The following SF3B1 variants were observed in gnomAD, a reference collection of about 807,000 sequenced individuals.
SF3B1 encodes the protein pre-mRNA processing 10.
In SF3B1, 12 loss-of-function variants were observed where a neutral mutation model predicts 153.8. That is an observed-to-expected ratio of 0.08 (90% confidence interval 0.05 to 0.13). The LOEUF (loss-of-function observed/expected upper bound fraction) is 0.13, where lower values mean the gene tolerates loss of function less well. Ranked by LOEUF, SF3B1 falls within the 10% of genes least tolerant of loss-of-function variation. SF3B1 has a pLI of 1.00. For missense variants in SF3B1, 513 were observed against 1,606.1 expected, an observed-to-expected ratio of 0.32 and a Z score of 11.63; for synonymous variants, 498 against 525.2, an observed-to-expected ratio of 0.95 and a Z score of 0.71.
intron 1 of SF3B1, among the ~76,000 whole-genome samples, chr2:197,428,196 C>T (rs905437443): frequency 6.6e-6 from 1 of 152,002 alleles, no homozygotes; most frequent in Non-Finnish European, 1.5e-5. Flanking sequence ...AGGTGCACAC[C>T]TGTAGTCCCA....
Position 197,401,859 on chromosome 2 carries a change from C to T in SF3B1, c.2253G>A (p.Gly751=), listed in dbSNP as rs1309573549. The T allele has an allele frequency of 6.2e-7, 1 of 1,605,522 alleles. No individual in the cohort carries two copies. The highest frequency in any genetic ancestry group is 1.1e-5 in the South Asian group (1 of 88,810). The change falls in exon 16 of 25, where the codon GGG becomes GGA. Residue 751 remains glycine, a synonymous_variant. Transcript: ENST00000335508. This position sits in a 1 kb window ranked among gnomAD's most constrained non-coding sequence, Gnocchi z 4.2. ...KGLAAFLKAI[G]YLIPLMDAEY... is the part of the protein sequence containing the mutation. ...CTGCATCCATAAGAGGAATAAGATA[C>T]CCAATAGCCTTCAAGAAAGCAGCCA... is the stretch of plus-strand genomic sequence containing the variant.
At chr2:197,394,955 A>G (rs1254598714) in intron 23 of SF3B1, among the ~76,000 whole-genome samples, 3 of 152,352 alleles carry the variant, frequency 2.0e-5, no homozygotes, top group South Asian at 2.1e-4. Context: ...AACACAGACC[A>G]TATCAAAGAG....
intron 6 of SF3B1, 163 bp downstream of exon 6, chr2:197,416,578 C>G (rs1159393142): frequency 8.5e-6 from 5 of 585,432 alleles, no homozygotes; most frequent in Non-Finnish European, 1.5e-5. Flanking sequence ...TGTTGGCACT[C>G]TGATCTTGGA....
At chr2:197,427,585 T>C (rs535307381) in intron 1 of SF3B1, among the ~76,000 whole-genome samples, 2 of 152,296 alleles carry the variant, frequency 1.3e-5, no homozygotes, top group African/African-American at 4.8e-5. Context: ...TAAGGTAACT[T>C]TGTGTCTGAG....
chr2:197,392,438 T>C lies in SF3B1; in HGVS notation c.3780A>G (p.Lys1260=), dbSNP rs1203594789. Residue 1260 remains lysine (K), a synonymous_variant, in exon 25 of 25, where the codon AAA becomes AAG. Transcript: ENST00000335508. ...AAATTTTCCAATATACATCTCTGAC[T>C]TTCCGGGCTGGGTGAAACAGACCCT... ...CLQGLFHPAR[K]VRDVYWKIYN... 4 of 1,608,630 alleles carry C rather than the reference T, an allele frequency of 2.5e-6. No homozygotes were observed. The highest frequency in any genetic ancestry group is 3.4e-6 in the Non-Finnish European group (4 of 1,176,502).
In SF3B1 at chr2:197,390,961, T is replaced by C. The variant is rs2084804660; in HGVS notation, c.*1342A>G. Reference sequence around the variant, plus strand: ...ACTCCTAAAGTGTCAATAGGCAGTTTTACTTACAGTAGTAGTTATATACTA... The same window carrying C: ...ACTCCTAAAGTGTCAATAGGCAGTTCTACTTACAGTAGTAGTTATATACTA... On this transcript the variant is annotated 3_prime_UTR_variant, in exon 25 of 25. Transcript: ENST00000335508. 2.6e-5 allele frequency: 4 copies of C among 152,220 alleles called. No individual in the cohort carries two copies. Among genetic ancestry groups the C allele is most frequent in the Non-Finnish European group, 4.4e-5 (3 of 68,038 alleles). The allele number at this position is 152,220 out of a possible 1,614,324, so 9.4% of individuals were successfully genotyped here.
At chr2:197,410,041 C>T in intron 6 of SF3B1, 34 bp from the exon 7 acceptor site, 1 of 1,358,810 alleles carries the variant, frequency 7.4e-7, no homozygotes, top group South Asian at 1.3e-5. Flanking sequence ...TTTCACACAC[C>T]CACACAGAAA....
chr2:197,409,124 A>C (rs58597791), intron 7 of SF3B1, among the ~76,000 whole-genome samples: 2 of 151,986 alleles, frequency 1.3e-5, no homozygotes, highest in African/African-American at 4.8e-5. Context: ...CAGGGGCCGG[A>C]AGCGGTGGCT....
chr2:197,434,158 GA>G lies in SF3B1; in HGVS notation c.28+813del, dbSNP rs1375668995. ...AGTGAAAATCTCGGATTCCAAGTCA[GA>G]AATCAAAGAATGCAGTTCCAACTTC... On this transcript the variant is annotated intron_variant, in intron 1 of 24. Transcript: ENST00000335508. 4.0e-4 allele frequency among the ~76,000 whole-genome samples: 61 copies of G among 152,164 alleles called. 1 individual carries two copies.
chr2:197,413,692 CT>C (rs1232533199), intron 6 of SF3B1, among the ~76,000 whole-genome samples: 3 of 151,950 alleles, frequency 2.0e-5, no homozygotes, highest in Admixed American at 1.3e-4. Context: ...GTGGCTAGCT[CT>C]TTAATATATT....
Position 197,405,482 on chromosome 2 carries a change from GT to G in SF3B1, c.1240-11del. On this transcript the variant is annotated splice_polypyrimidine_tract_variant and intron_variant, in intron 9 of 24. Coordinates refer to ENST00000335508, the MANE Select transcript of SF3B1 (RefSeq NM_012433.4). The stretch of plus-strand genomic sequence containing the variant: ...CTGGAGGAGGAAGTACCTAATAAAA[GT>G]TATAAGACAGTTTAGGATTTTCTTA... 1 of 1,589,162 alleles carries G rather than the reference GT, an allele frequency of 6.3e-7. No individual in the cohort carries two copies. Among genetic ancestry groups the G allele is most frequent in the Non-Finnish European group, 8.6e-7 (1 of 1,162,028 alleles).
At chr2:197,413,809 G>GTTT in intron 6 of SF3B1, among the ~76,000 whole-genome samples, 1 of 151,022 alleles carries the variant, frequency 6.6e-6, no homozygotes, top group African/African-American at 2.4e-5. Flanking sequence ...TTCTTGTTTT[G>GTTT]TTTTGTTTTT....
At chr2:197,434,154 G>A (rs939333070) in intron 1 of SF3B1, among the ~76,000 whole-genome samples, 3 of 152,170 alleles carry the variant, frequency 2.0e-5, no homozygotes, top group Admixed American at 2.0e-4. Context: ...CGGATTCCAA[G>A]TCAGAAATCA....
intron 20 of SF3B1, 91 bp from the exon 21 acceptor site, chr2:197,398,672 A>G: frequency 8.4e-7 from 1 of 1,189,622 alleles, no homozygotes; most frequent in African/African-American, 1.5e-5. Flanking sequence ...ATGACTATGT[A>G]TAAATATAAA....
At chr2:197,431,747 G>C (rs997049738) in intron 1 of SF3B1, among the ~76,000 whole-genome samples, 1 of 151,936 alleles carries the variant, frequency 6.6e-6, no homozygotes. Context: ...AACTCCAATA[G>C]GACAACTAAC....
At chr2:197,425,232 G>A (rs2085315204) in intron 1 of SF3B1, among the ~76,000 whole-genome samples, 1 of 152,194 alleles carries the variant, frequency 6.6e-6, no homozygotes, top group Non-Finnish European at 1.5e-5. Context: ...TCGGGAGGCC[G>A]AGGTGGGCAG....
chr2:197,397,693 A>T (rs2084892039), intron 22 of SF3B1, among the ~76,000 whole-genome samples: 1 of 152,036 alleles, frequency 6.6e-6, no homozygotes, highest in African/African-American at 2.4e-5. Flanking sequence ...GCTACTGGGG[A>T]GGCTGAGGCA....
chr2:197,410,008 C>A lies in SF3B1; in HGVS notation c.667-1G>T. On this transcript the variant is annotated splice_acceptor_variant, in intron 6 of 24. Coordinates refer to ENST00000335508, the MANE Select transcript of SF3B1 (RefSeq NM_012433.4). LOFTEE classifies it high-confidence loss of function. ...TTAAGGAAGGAGTATGCCCAGGGGTCTTAAAAAAGCAAAAAAATTTTATTT... is the reference window on the plus strand; with the variant it reads ...TTAAGGAAGGAGTATGCCCAGGGGTATTAAAAAAGCAAAAAAATTTTATTT... The A allele has an allele frequency of 3.2e-6, 5 of 1,580,588 alleles. No homozygotes were observed. In the Admixed American group the frequency reaches 7.5e-5, roughly 24 times the overall value.
intron 2 of SF3B1, among the ~76,000 whole-genome samples, chr2:197,422,667 G>A (rs1193425855): frequency 6.6e-6 from 1 of 151,968 alleles, no homozygotes; most frequent in Non-Finnish European, 1.5e-5. Context: ...GAGGCAGGTG[G>A]ATCACGAGCT....
Sources: gnomAD v4.1 joint callset for allele counts (sites outside exome capture counted in the v4.1 genomes callset) on GRCh38, gnomAD v4.1.1 for gene constraint, Gnocchi (gnomAD v3.1) non-coding constraint, MANE v1.5 for transcripts, NCBI Gene and HGNC (gene_info 2026-07-23, HGNC 2026-07-21) for gene names.